The following SPINT2 variants were observed in gnomAD, a reference collection of about 807,000 sequenced individuals.
SPINT2 encodes serine peptidase inhibitor, Kunitz type 2.
Under a neutral mutation model 30.1 loss-of-function variants are expected in SPINT2, and 18 were observed. The observed-to-expected ratio is 0.60, with a 90% CI of 0.41 to 0.89. The LOEUF (loss-of-function observed/expected upper bound fraction) is 0.89. Ranked by LOEUF, SPINT2 falls within the 40% of genes least tolerant of loss-of-function variation. SPINT2 has a pLI of 0.00. For missense variants in SPINT2, 276 were observed against 334.3 expected (o/e 0.83, Z 1.36); for synonymous variants, 139 against 137.9 (o/e 1.01, Z -0.05).
intron 2 of SPINT2, among the ~76,000 whole-genome samples, chr19:38,287,397 G>A (rs550142111): frequency 3.3e-5 from 5 of 151,878 alleles, no homozygotes; most frequent in East Asian, 3.9e-4. Flanking sequence ...ATGGGTTTTC[G>A]CAGTGTCGGC....
chr19:38,288,992 G>T, intron 3 of SPINT2, 146 bp from the exon 4 acceptor site: 1 of 747,802 alleles, frequency 1.3e-6, no homozygotes, highest in Non-Finnish European at 2.4e-6. Context: ...CTGGGGTGAC[G>T]TGGCAGAGCC....
chr19:38,274,014 T>C (rs1968487093), intron 1 of SPINT2, among the ~76,000 whole-genome samples: 1 of 152,138 alleles, frequency 6.6e-6, no homozygotes. Context: ...GTGGATCATT[T>C]GAGCCCAGGA....
At chr19:38,282,901 TC>T (rs891743074) in intron 1 of SPINT2, among the ~76,000 whole-genome samples, 4 of 152,160 alleles carry the variant, frequency 2.6e-5, no homozygotes, top group African/African-American at 9.7e-5. Context: ...CGCCTCTCCT[TC>T]CCAACTTCAC....
At chr19:38,281,785 G>A (rs1484885902) in intron 1 of SPINT2, among the ~76,000 whole-genome samples, 1 of 151,980 alleles carries the variant, frequency 6.6e-6, no homozygotes, top group Non-Finnish European at 1.5e-5. Flanking sequence ...CTACAGAGCT[G>A]TGCAGCTATT....
chr19:38,264,907 C>T lies in SPINT2; in HGVS notation c.15C>T (p.Cys5=), dbSNP rs1300170450. ...CTGAGCTGGCCATGGCGCAGCTGTG[C>T]GGGCTGAGGCGGAGCCGGGCGTTTC... is the stretch of plus-strand genomic sequence containing the variant. The part of the protein sequence containing the change: MAQL[C]GLRRSRAFLA... The change falls in exon 1 of 7, where the codon TGC becomes TGT. Residue 5 remains cysteine, a synonymous_variant. Transcript: ENST00000301244. The T allele has an allele frequency of 1.3e-6, 2 of 1,534,942 alleles. No individual in the cohort carries two copies. Among genetic ancestry groups the T allele is most frequent in the Non-Finnish European group, 8.7e-7 (1 of 1,145,684 alleles).
At position 38,292,406 on chromosome 19, in the gene SPINT2, A is replaced by T. The variant is rs1339499542; in HGVS notation, c.*400A>T. The T allele has an allele frequency of 5.7e-6, 1 of 175,702 alleles. No individual in the cohort carries two copies. Among genetic ancestry groups the T allele is most frequent in the Non-Finnish European group, 1.2e-5 (1 of 81,340 alleles). The allele number at this position is 175,702 out of a possible 1,614,324, so 10.9% of individuals were successfully genotyped here. On this transcript the variant is annotated 3_prime_UTR_variant, in exon 7 of 7. Coordinates refer to ENST00000301244, the MANE Select transcript of SPINT2 (RefSeq NM_021102.4). ...ATTAGCATTCTGAAAGAAGGAAAGT[A>T]AAATGTACAAGTTTAATAAAAAGGG...
chr19:38,264,879 C>G lies in SPINT2; in HGVS notation c.-14C>G. 1 of 1,533,090 alleles carries G rather than the reference C, an allele frequency of 6.5e-7. No homozygotes were observed. Among genetic ancestry groups the G allele is most frequent in the South Asian group, 1.2e-5 (1 of 83,828 alleles). The allele number at this position is 1,533,090 out of a possible 1,614,324, so 95.0% of individuals were successfully genotyped here. On this transcript the variant is annotated 5_prime_UTR_variant, in exon 1 of 7. Transcript: ENST00000301244. ...GGCTGGTGGCGTCGCCTGCGCGTCTCGGCTGAGCTGGCCATGGCGCAGCTG... is the reference window on the plus strand; with the variant it reads ...GGCTGGTGGCGTCGCCTGCGCGTCTGGGCTGAGCTGGCCATGGCGCAGCTG...
At chr19:38,289,994 G>A (rs1457936731) in intron 4 of SPINT2, 125 bp from the exon 5 acceptor site, 3 of 1,082,950 alleles carry the variant, frequency 2.8e-6, no homozygotes, top group Non-Finnish European at 1.4e-6. Flanking sequence ...TAATTTACAG[G>A]CTTCTTTACC....
chr19:38,288,241 C>G (rs928664471), intron 3 of SPINT2, among the ~76,000 whole-genome samples: 1 of 152,012 alleles, frequency 6.6e-6, no homozygotes, highest in Non-Finnish European at 1.5e-5. Flanking sequence ...CCTTGCTGTG[C>G]GGGCCTCCAG....
rs553074936 is a variant in SPINT2, at chr19:38,287,322, C to T, written c.278-554C>T. 5.3e-5 allele frequency among the ~76,000 whole-genome samples: 8 copies of T among 152,332 alleles called. No individual in the cohort carries two copies. In the East Asian group the frequency reaches 7.7e-4, roughly 15 times the overall value. On this transcript the variant is annotated intron_variant, in intron 2 of 6. Transcript: ENST00000301244. ...CAAGCAATTCTCCTGCCTCAGCCTC[C>T]GGAGTAGCTGGGACTACAGGCGCGT...
intron 1 of SPINT2, 36 bp downstream of exon 1, chr19:38,265,034 AG>A: frequency 9.0e-7 from 1 of 1,107,182 alleles, no homozygotes; most frequent in Non-Finnish European, 1.1e-6. Context: ...GGCGGGGCGC[AG>A]GGGGCAGAGG....
intron 3 of SPINT2, chr19:38,288,262 G>A: frequency 2.3e-6 from 1 of 439,010 alleles, no homozygotes; most frequent in South Asian, 2.1e-5. Context: ...CTGCTCTGCT[G>A]ACCCCACTCC....
intron 1 of SPINT2, among the ~76,000 whole-genome samples, chr19:38,280,027 C>G (rs1363868723): frequency 6.6e-6 from 1 of 152,172 alleles, no homozygotes; most frequent in Non-Finnish European, 1.5e-5. Flanking sequence ...ACCGAAGGAA[C>G]CTGAAAATAA....
chr19:38,281,995 T>C (rs1162229205), intron 1 of SPINT2, among the ~76,000 whole-genome samples: 1 of 152,192 alleles, frequency 6.6e-6, no homozygotes, highest in Non-Finnish European at 1.5e-5. Flanking sequence ...TTTTCATGGT[T>C]AGCTTTTTTC....
chr19:38,288,850 A>G, intron 3 of SPINT2: 1 of 422,966 alleles, frequency 2.4e-6, no homozygotes, highest in African/African-American at 2.0e-5. Flanking sequence ...TCACTGTATT[A>G]GAAAGTGTGA....
chr19:38,289,194 A>G lies in SPINT2; in HGVS notation c.391+3A>G, dbSNP rs1392399193. On this transcript the variant is annotated splice_donor_region_variant and intron_variant, in intron 4 of 6. Coordinates refer to ENST00000301244, the MANE Select transcript of SPINT2 (RefSeq NM_021102.4). ...CAGCGATATGTTCAACTATGAAGGTAAAACTCCAAAGAGGCCAGGTGCGGT... is the reference window on the plus strand; with the variant it reads ...CAGCGATATGTTCAACTATGAAGGTGAAACTCCAAAGAGGCCAGGTGCGGT... 3 of 1,613,830 alleles carry G rather than the reference A, an allele frequency of 1.9e-6. No homozygotes were observed. Among genetic ancestry groups the G allele is most frequent in the Non-Finnish European group, 2.5e-6 (3 of 1,179,806 alleles).
intron 1 of SPINT2, among the ~76,000 whole-genome samples, chr19:38,282,875 C>G (rs540257499): frequency 1.3e-5 from 2 of 152,352 alleles, no homozygotes; most frequent in African/African-American, 4.8e-5. Context: ...GTGAGGACTA[C>G]CGAGGGTGCT....
chr19:38,272,333 C>G (rs1485306803), intron 1 of SPINT2, among the ~76,000 whole-genome samples: 4 of 152,096 alleles, frequency 2.6e-5, no homozygotes, highest in African/African-American at 9.7e-5. Context: ...AAGGGCCGCT[C>G]TACATGAATA....
intron 1 of SPINT2, among the ~76,000 whole-genome samples, chr19:38,274,251 A>G (rs1009563154): frequency 7.2e-5 from 11 of 151,920 alleles, no homozygotes; most frequent in Non-Finnish European, 1.5e-5. Context: ...GCTGTGTGCT[A>G]AATACTATTT....
Sources: allele counts gnomAD v4.1 joint callset (sites outside exome capture counted in the v4.1 genomes callset), GRCh38; gene constraint gnomAD v4.1.1; transcripts MANE v1.5; gene names NCBI Gene and HGNC (gene_info 2026-07-23, HGNC 2026-07-21).